Variants in CACNA1D observed in about 807,000 individuals in gnomAD.
CACNA1D encodes voltage-dependent L-type calcium channel subunit alpha-1D.
CACNA1D carries 55 observed loss-of-function variants against 257.1 expected under a neutral mutation model. That is an observed-to-expected ratio of 0.21 (90% CI 0.17 to 0.27). The LOEUF (loss-of-function observed/expected upper bound fraction) is 0.27. Ranked by LOEUF, CACNA1D falls within the 10% of genes least tolerant of loss-of-function variation. The pLI is 1.00. For missense variants in CACNA1D, 1,876 were observed against 2,784.0 expected (o/e 0.67, Z 7.34); for synonymous variants, 980 against 1,014.9 (o/e 0.97, Z 0.65).
intron 3 of CACNA1D, among the ~76,000 whole-genome samples, chr3:53,521,263 GA>G (rs953405430): frequency 2.6e-5 from 4 of 152,086 alleles, no homozygotes; most frequent in African/African-American, 9.7e-5. Context: ...AACTGGTCTT[GA>G]AATCCTGGCC....
At chr3:53,754,951 G>T (rs981535980) in intron 29 of CACNA1D, among the ~76,000 whole-genome samples, 2 of 152,222 alleles carry the variant, frequency 1.3e-5, no homozygotes, top group African/African-American at 4.8e-5. Flanking sequence ...ATTTGTAAGT[G>T]ATTAATTGGG....
chr3:53,650,569 C>T (rs1349546945), intron 3 of CACNA1D, among the ~76,000 whole-genome samples: 4 of 152,238 alleles, frequency 2.6e-5, no homozygotes, highest in African/African-American at 9.6e-5. Context: ...GTGTTGCACA[C>T]GTAGTTGCTT....
intron 8 of CACNA1D, among the ~76,000 whole-genome samples, chr3:53,677,245 G>A (rs1040791568): frequency 1.3e-5 from 2 of 152,066 alleles, no homozygotes; most frequent in East Asian, 1.9e-4. Context: ...GATGGGGGAC[G>A]CCCTAGGCTC....
intron 3 of CACNA1D, among the ~76,000 whole-genome samples, chr3:53,638,736 G>T (rs930485372): frequency 6.6e-6 from 1 of 152,250 alleles, no homozygotes; most frequent in African/African-American, 2.4e-5. Flanking sequence ...CACTGTCCAA[G>T]GTGAAGGTGC....
intron 16 of CACNA1D, 93 bp from the exon 17 acceptor site, chr3:53,730,984 A>G (rs1004088078): frequency 2.6e-5 from 21 of 798,234 alleles, no homozygotes; most frequent in Non-Finnish European, 4.1e-5. Flanking sequence ...TCTGTCCTTC[A>G]TTGGAGCATT....
Position 53,793,456 on chromosome 3 carries a change from G to A in CACNA1D, c.4923+6504G>A, listed in dbSNP as rs571032633. Among the ~76,000 whole-genome samples the A allele has an allele frequency of 3.9e-5, 6 of 152,288 alleles. No individual in the cohort carries two copies. Among genetic ancestry groups the A allele is most frequent in the East Asian group, 3.9e-4 (2 of 5,182 alleles). On this transcript the variant is annotated intron_variant, in intron 40 of 47. Transcript: ENST00000350061. This position sits in a 1 kb window ranked among gnomAD's most constrained non-coding sequence, Gnocchi z 4.1. ...ATGTGTCACTCTGTCTCAGAGGGCC[G>A]GTGTGACCGACCTTCTAGATCCAAG... is the stretch of plus-strand genomic sequence containing the variant.
chr3:53,810,791 A>AAAAAAAAAT, intron 47 of CACNA1D, among the ~76,000 whole-genome samples: 1 of 149,376 alleles, frequency 6.7e-6, no homozygotes, highest in African/African-American at 2.5e-5. Flanking sequence ...AAAAAACAAA[A>AAAAAAAAAT]ACTGGTCACC....
chr3:53,518,869 T>C (rs2107319204), intron 3 of CACNA1D, among the ~76,000 whole-genome samples: 1 of 152,352 alleles, frequency 6.6e-6, no homozygotes, highest in South Asian at 2.1e-4. Context: ...CTTACTACTT[T>C]GAAGGAACAC....
intron 3 of CACNA1D, among the ~76,000 whole-genome samples, chr3:53,547,475 C>T (rs765250885): frequency 2.0e-5 from 3 of 152,296 alleles, no homozygotes; most frequent in South Asian, 4.1e-4. Flanking sequence ...GACTTGGTCC[C>T]CTCATCTTGG....
At chr3:53,805,698 C>T (rs1264216156) in intron 45 of CACNA1D, among the ~76,000 whole-genome samples, 1 of 151,118 alleles carries the variant, frequency 6.6e-6, no homozygotes, top group Admixed American at 6.6e-5. Context: ...GCTCCTCCTC[C>T]CTCCCTCATC....
At chr3:53,675,272 A>C (rs1453486561) in intron 8 of CACNA1D, among the ~76,000 whole-genome samples, 1 of 152,232 alleles carries the variant, frequency 6.6e-6, no homozygotes, top group African/African-American at 2.4e-5. Context: ...CTTCCACCTC[A>C]ACGTGAGAAG....
At chr3:53,598,694 A>G (rs1014296166) in intron 3 of CACNA1D, among the ~76,000 whole-genome samples, 3 of 152,208 alleles carry the variant, frequency 2.0e-5, no homozygotes, top group African/African-American at 7.2e-5. Context: ...ACACAAGGTC[A>G]AGAGAAAGCC....
intron 28 of CACNA1D, among the ~76,000 whole-genome samples, chr3:53,752,902 C>G (rs1320773899): frequency 6.6e-6 from 1 of 152,182 alleles, no homozygotes; most frequent in African/African-American, 2.4e-5. Flanking sequence ...TTGGCCAAGT[C>G]AGATTATAGT....
Position 53,639,368 on chromosome 3 carries a change from A to G in CACNA1D, c.484-11411A>G, listed in dbSNP as rs184033319. On this transcript the variant is annotated intron_variant, in intron 3 of 47. Coordinates refer to ENST00000350061, the MANE Select transcript of CACNA1D (RefSeq NM_001128840.3). The stretch of plus-strand genomic sequence containing the variant: ...TAGGAACATGACTGAGCAACAGGGA[A>G]ATGAGATTTCTCTCTCTCTCTCTTT... Among the ~76,000 whole-genome samples the G allele has an allele frequency of 4.6e-5, 7 of 151,940 alleles. No homozygotes were observed. The East Asian group carries it at 7.8e-4, about 17-fold the overall frequency.
At chr3:53,605,025 C>T (rs933144318) in intron 3 of CACNA1D, among the ~76,000 whole-genome samples, 1 of 152,184 alleles carries the variant, frequency 6.6e-6, no homozygotes, top group Non-Finnish European at 1.5e-5. Flanking sequence ...CAAGAAGGTG[C>T]ACTTATGTGT....
chr3:53,737,063 C>T (rs2095064738), intron 20 of CACNA1D, among the ~76,000 whole-genome samples: 1 of 152,034 alleles, frequency 6.6e-6, no homozygotes, highest in African/African-American at 2.4e-5. Flanking sequence ...CTTTGGGAGG[C>T]CGAAGTGGGT....
At chr3:53,575,375 C>T (rs2093018886) in intron 3 of CACNA1D, among the ~76,000 whole-genome samples, 1 of 151,960 alleles carries the variant, frequency 6.6e-6, no homozygotes, top group Non-Finnish European at 1.5e-5. Context: ...GCAGAGAAGT[C>T]AGGGTGTGGG....
intron 40 of CACNA1D, among the ~76,000 whole-genome samples, chr3:53,798,358 C>T (rs961743278): frequency 5.9e-5 from 9 of 152,018 alleles, no homozygotes; most frequent in South Asian, 2.1e-4. Flanking sequence ...TGCACGTGCA[C>T]GCACGTGTAT....
In CACNA1D at chr3:53,800,201, C is replaced by T. The variant is rs756253621; in HGVS notation, c.4924-48C>T. 1.5e-6 allele frequency: 2 copies of T among 1,348,676 alleles called. No individual in the cohort carries two copies. Among genetic ancestry groups the T allele is most frequent in the Non-Finnish European group, 2.1e-6 (2 of 937,594 alleles). The allele number at this position is 1,348,676 out of a possible 1,614,324, so 83.5% of individuals were successfully genotyped here. A position where few individuals can be genotyped will look rare whatever the true frequency, so the allele number is the denominator to read the frequency against. The stretch of plus-strand genomic sequence containing the variant: ...GCAAAGCCAGGACCCAGGCTGGCCC[C>T]AGGGCCCATGTGTGGTCTAACCTGT... On this transcript the variant is annotated intron_variant, in intron 40 of 47. Transcript: ENST00000350061. The surrounding 1 kb of genome is among the most constrained non-coding windows in gnomAD (Gnocchi z 4.3).
Sources: gnomAD v4.1 joint callset for allele counts (sites outside exome capture counted in the v4.1 genomes callset) on GRCh38, gnomAD v4.1.1 for gene constraint, Gnocchi (gnomAD v3.1) non-coding constraint, MANE v1.5 for transcripts, NCBI Gene and HGNC (gene_info 2026-07-23, HGNC 2026-07-21) for gene names.